RAB10: variants seen among roughly 807,000 people sequenced by gnomAD.
RAB10 encodes ras-related protein Rab-10.
Under a neutral mutation model 25.7 loss-of-function variants are expected in RAB10, and 5 were observed. The ratio of observed to expected loss-of-function variants is 0.19; its 90% CI spans 0.10 to 0.41. RAB10 has a LOEUF of 0.41. Among genes scored for constraint, RAB10 ranks in the 10% least tolerant of loss-of-function variants. The pLI is 1.00. For missense variants in RAB10, 103 were observed against 245.8 expected (o/e 0.42, Z 3.89); for synonymous variants, 89 against 86.4 (o/e 1.03, Z -0.16).
intron 1 of RAB10, among the ~76,000 whole-genome samples, chr2:26,056,365 AT>A (rs2149265664): frequency 6.6e-6 from 1 of 151,158 alleles, no homozygotes; most frequent in South Asian, 2.1e-4. Flanking sequence ...CACCCGGCTA[AT>A]TTTTGTATTT....
At chr2:26,033,735 G>A (rs761798628), upstream of RAB10, among the ~76,000 whole-genome samples, 1 of 148,848 alleles carries the variant, frequency 6.7e-6, no homozygotes, top group Non-Finnish European at 1.5e-5. Flanking sequence ...CCCGGGAGGG[G>A]AAGGAGGTGC....
chr2:26,116,645 T>C (rs1242042483), intron 3 of RAB10, among the ~76,000 whole-genome samples: 3 of 143,612 alleles, frequency 2.1e-5, no homozygotes, highest in African/African-American at 7.6e-5. Flanking sequence ...CAAGCTCTGC[T>C]TCCTGGGTTC....
intron 1 of RAB10, among the ~76,000 whole-genome samples, chr2:26,059,255 T>C (rs1454701685): frequency 6.6e-6 from 1 of 152,202 alleles, no homozygotes. Context: ...GGAGATGCAG[T>C]ATATTTTTGT....
intron 1 of RAB10, among the ~76,000 whole-genome samples, chr2:26,051,054 C>T (rs918583361): frequency 5.9e-5 from 9 of 152,138 alleles, no homozygotes; most frequent in African/African-American, 1.9e-4. Context: ...CTTCCCACCT[C>T]GGCCTCCTAA....
intron 1 of RAB10, among the ~76,000 whole-genome samples, chr2:26,052,501 A>C (rs867462045): frequency 2.9e-4 from 40 of 136,750 alleles, no homozygotes; most frequent in African/African-American, 9.9e-4. Context: ...TCACTGAGAG[A>C]GATTCCAAGC....
chr2:26,035,914 G>C (rs1665754468), intron 1 of RAB10, among the ~76,000 whole-genome samples: 1 of 152,156 alleles, frequency 6.6e-6, no homozygotes, highest in African/African-American at 2.4e-5. Context: ...AAATTAAATT[G>C]GACAAGTGAT....
rs144984941 is a variant in RAB10, at chr2:26,046,834, C to G, written c.127+12099C>G. ...AAAGTACATCATATCAAAATTAGAACAAAGGACAGTGTTGATTTGTTTCTT... is the reference window on the plus strand; with the variant it reads ...AAAGTACATCATATCAAAATTAGAAGAAAGGACAGTGTTGATTTGTTTCTT... On this transcript the variant is annotated intron_variant, in intron 1 of 5. Coordinates refer to ENST00000264710, the MANE Select transcript of RAB10 (RefSeq NM_016131.5). Among the ~76,000 whole-genome samples the G allele has an allele frequency of 1.7e-3, 261 of 152,274 alleles. 1 individual carries two copies. Among genetic ancestry groups the G allele is most frequent in the African/African-American group, 6.0e-3 (250 of 41,554 alleles).
intron 1 of RAB10, among the ~76,000 whole-genome samples, chr2:26,076,539 C>G (rs984097356): frequency 6.6e-6 from 1 of 152,040 alleles, no homozygotes; most frequent in Admixed American, 6.5e-5. Context: ...GGAAGGTGCC[C>G]CCAAAGTATT....
intron 5 of RAB10, among the ~76,000 whole-genome samples, chr2:26,130,907 A>G (rs1196764304): frequency 6.6e-6 from 1 of 152,162 alleles, no homozygotes; most frequent in Admixed American, 6.5e-5. Flanking sequence ...GGCAGGAGTT[A>G]CTGCAAGACC....
chr2:26,121,735 A>T lies in RAB10; in HGVS notation c.328-5409A>T, dbSNP rs539031154. On this transcript the variant is annotated intron_variant, in intron 3 of 5. Transcript: ENST00000264710. ...CACTCAAACACACAGAGCCCATACA[A>T]GGCACCTTTTGCATCAAGAGAAATG... Among the ~76,000 whole-genome samples the T allele has an allele frequency of 4.3e-4, 65 of 152,364 alleles. 2 individuals carry two copies. In the South Asian group the frequency reaches 0.013, roughly 30 times the overall value.
chr2:26,058,178 G>A (rs994028108), intron 1 of RAB10, among the ~76,000 whole-genome samples: 6 of 152,028 alleles, frequency 3.9e-5, no homozygotes, highest in Admixed American at 2.0e-4. Context: ...CATTATCTCC[G>A]CTGCTACCAG....
intron 2 of RAB10, among the ~76,000 whole-genome samples, chr2:26,098,929 G>A (rs1185971356): frequency 6.6e-6 from 1 of 152,102 alleles, no homozygotes; most frequent in Non-Finnish European, 1.5e-5. Context: ...TGTGAACTGA[G>A]GCAGATTATA....
intron 1 of RAB10, among the ~76,000 whole-genome samples, chr2:26,073,511 C>T (rs920155745): frequency 6.6e-6 from 1 of 152,196 alleles, no homozygotes; most frequent in African/African-American, 2.4e-5. Flanking sequence ...GATGGATTTT[C>T]CTTTTGTCCT....
chr2:26,063,511 T>A (rs958241523), intron 1 of RAB10, among the ~76,000 whole-genome samples: 5 of 152,182 alleles, frequency 3.3e-5, no homozygotes, highest in African/African-American at 1.2e-4. Flanking sequence ...TACTTTAGCA[T>A]GTACCTCTTC....
At position 26,123,583 on chromosome 2, in the gene RAB10, C is replaced by T. The variant is rs1321264028; in HGVS notation, c.328-3561C>T. 2.6e-5 allele frequency among the ~76,000 whole-genome samples: 4 copies of T among 152,216 alleles called. No individual in the cohort carries two copies. The South Asian group carries it at 6.2e-4, about 24-fold the overall frequency. On this transcript the variant is annotated intron_variant, in intron 3 of 5. Coordinates refer to ENST00000264710, the MANE Select transcript of RAB10 (RefSeq NM_016131.5). ...TGTGGATAAGACAAGAGCTAATAGACATCAACCAGAGGAATCAACAGAAGA... is the reference window on the plus strand; with the variant it reads ...TGTGGATAAGACAAGAGCTAATAGATATCAACCAGAGGAATCAACAGAAGA...
intron 1 of RAB10, among the ~76,000 whole-genome samples, chr2:26,064,669 A>G (rs1666477512): frequency 6.6e-6 from 1 of 152,168 alleles, no homozygotes; most frequent in Non-Finnish European, 1.5e-5. Flanking sequence ...TTAAATAAGT[A>G]AAAATGAACA....
At chr2:26,064,396 C>CA (rs568594823) in intron 1 of RAB10, among the ~76,000 whole-genome samples, 273 of 152,256 alleles carry the variant, frequency 1.8e-3, no homozygotes, top group Non-Finnish European at 3.2e-3. Context: ...CATTTCTGCT[C>CA]ATTGCAACCT....
rs149033993 is a variant in RAB10, at chr2:26,052,090, G to A, written c.127+17355G>A. On this transcript the variant is annotated intron_variant, in intron 1 of 5. Coordinates refer to ENST00000264710, the MANE Select transcript of RAB10 (RefSeq NM_016131.5). ...AAAAACAAAAAGTCATTAAAAAGAT[G>A]TTTGCAGCAAGACGTGGTGACTTAT... Among the ~76,000 whole-genome samples, 896 of 150,912 alleles carry A rather than the reference G, an allele frequency of 5.9e-3. 7 individuals are homozygous for A. The highest frequency in any genetic ancestry group is 9.5e-3 in the Non-Finnish European group (641 of 67,672).
intron 1 of RAB10, among the ~76,000 whole-genome samples, chr2:26,074,028 AT>A (rs1666682607): frequency 6.6e-6 from 1 of 152,200 alleles, no homozygotes; most frequent in African/African-American, 2.4e-5. Context: ...TGGCAACGGA[AT>A]TTGGACTTTG....
Sources: allele counts gnomAD v4.1 joint callset (sites outside exome capture counted in the v4.1 genomes callset), GRCh38; gene constraint gnomAD v4.1.1; transcripts MANE v1.5; gene names NCBI Gene and HGNC (gene_info 2026-07-23, HGNC 2026-07-21).